PARD3B: variants seen among roughly 807,000 people sequenced by gnomAD.
PARD3B encodes the protein par-3 family cell polarity regulator beta.
Under a neutral mutation model 130.2 loss-of-function variants are expected in PARD3B, and 103 were observed. That is an observed-to-expected ratio of 0.79 (90% CI 0.67 to 0.93). PARD3B has a LOEUF of 0.93. PARD3B is among the 40% of genes least tolerant of loss of function. The probability of loss-of-function intolerance (pLI) is 0.00; values close to 1 mark genes in which losing one functional copy is unlikely to be tolerated. For missense variants in PARD3B, 1,609 were observed against 1,499.2 expected (o/e 1.07, Z -1.21); for synonymous variants, 583 against 553.2 (o/e 1.05, Z -0.76).
chr2:204,601,022 A>C (rs2033487363), intron 1 of PARD3B, among the ~76,000 whole-genome samples: 1 of 151,770 alleles, frequency 6.6e-6, no homozygotes, highest in Non-Finnish European at 1.5e-5. Context: ...AATTTCTTTC[A>C]GGGACTGATC....
intron 2 of PARD3B, among the ~76,000 whole-genome samples, chr2:204,708,800 C>A (rs2038302847): frequency 6.6e-6 from 1 of 151,934 alleles, no homozygotes; most frequent in African/African-American, 2.4e-5. Flanking sequence ...AAAGTCTTTT[C>A]CTGGTGGCAT....
At chr2:204,781,811 A>G (rs2041841825) in intron 2 of PARD3B, among the ~76,000 whole-genome samples, 1 of 152,094 alleles carries the variant, frequency 6.6e-6, no homozygotes, top group African/African-American at 2.4e-5. Flanking sequence ...ATCTTAATAT[A>G]TATATTTTTA....
intron 18 of PARD3B, among the ~76,000 whole-genome samples, chr2:205,338,472 C>T (rs1323081322): frequency 6.6e-6 from 1 of 152,086 alleles, no homozygotes; most frequent in East Asian, 1.9e-4. Context: ...CTAGTTCTGG[C>T]AATAGCAGTA....
Position 205,525,421 on chromosome 2 carries a change from A to G in PARD3B, c.3180+25390A>G, listed in dbSNP as rs1026234092. On this transcript the variant is annotated intron_variant, in intron 21 of 22. Transcript: ENST00000406610. The surrounding 1 kb of genome is among the most constrained non-coding windows in gnomAD (Gnocchi z 4.2). ...GTTTTTGTTTTTACATTGAAGATGTAAAAAATAATTACAATATAATGCTGG... is the reference window on the plus strand; with the variant it reads ...GTTTTTGTTTTTACATTGAAGATGTGAAAAATAATTACAATATAATGCTGG... Among the ~76,000 whole-genome samples the G allele has an allele frequency of 1.3e-5, 2 of 152,220 alleles. No homozygotes were observed. The highest frequency in any genetic ancestry group is 1.3e-4 in the Admixed American group (2 of 15,278).
Position 205,296,185 on chromosome 2 carries a change from A to G in PARD3B, c.2186-4345A>G, listed in dbSNP as rs115896477. Among the ~76,000 whole-genome samples, 1,282 of 152,338 alleles carry G rather than the reference A, an allele frequency of 8.4e-3. 16 individuals are homozygous for G. The highest frequency in any genetic ancestry group is 0.011 in the Non-Finnish European group (779 of 68,030). On this transcript the variant is annotated intron_variant, in intron 16 of 22. Coordinates refer to ENST00000406610, the MANE Select transcript of PARD3B (RefSeq NM_001302769.2). Reference sequence around the variant, plus strand: ...CTTCTATGCTTTTCTTATCCTCAATATGATAGCTGAGGGAACTGAGGCACA... The same window carrying G: ...CTTCTATGCTTTTCTTATCCTCAATGTGATAGCTGAGGGAACTGAGGCACA...
chr2:205,127,244 C>T (rs1485757206), intron 10 of PARD3B, among the ~76,000 whole-genome samples: 1 of 147,692 alleles, frequency 6.8e-6, no homozygotes, highest in Non-Finnish European at 1.5e-5. Flanking sequence ...TTGCAGTGAG[C>T]CAAGATTGCA....
At chr2:204,687,990 A>T (rs2037169386) in intron 2 of PARD3B, among the ~76,000 whole-genome samples, 1 of 152,156 alleles carries the variant, frequency 6.6e-6, no homozygotes, top group Non-Finnish European at 1.5e-5. Context: ...ATTCTTTTAA[A>T]CTATCTCAGC....
Position 205,274,097 on chromosome 2 carries a change from A to G in PARD3B, c.2186-26433A>G, listed in dbSNP as rs1228766543. Among the ~76,000 whole-genome samples, 2 of 152,288 alleles carry G rather than the reference A, an allele frequency of 1.3e-5. No individual in the cohort carries two copies. The highest frequency in any genetic ancestry group is 2.9e-5 in the Non-Finnish European group (2 of 68,016). On this transcript the variant is annotated intron_variant, in intron 16 of 22. Transcript: ENST00000406610. The surrounding 1 kb of genome is among the most constrained non-coding windows in gnomAD (Gnocchi z 4.2). ...AGCTCATCTAGATCTGGACAAATAT[A>G]GTTTTTTTAAAAAAAGTCTATTTTA...
rs549772777 is a variant in PARD3B, at chr2:204,553,777, T to C, written c.120+7658T>C. 2.7e-5 allele frequency among the ~76,000 whole-genome samples: 4 copies of C among 147,670 alleles called. No homozygotes were observed. In the South Asian group the frequency reaches 6.5e-4, roughly 24 times the overall value. On this transcript the variant is annotated intron_variant, in intron 1 of 22. Transcript: ENST00000406610. ...GGCATTTGCAGCAACCTGGATGAGA[T>C]TGGAGACTATTACGGCAAGTGAAGT...
rs60378508 is a variant in PARD3B, at chr2:204,553,679, T to C, written c.120+7560T>C. Among the ~76,000 whole-genome samples the C allele has an allele frequency of 8.2e-3, 770 of 94,240 alleles. 16 individuals carry two copies. Among genetic ancestry groups the C allele is most frequent in the African/African-American group, 0.033 (750 of 22,638 alleles). The allele number at this position is 94,240 out of a possible 152,430, so 61.8% of individuals were successfully genotyped here. ...ATATATATATATATATATATATATA[T>C]ATATATATATATATATACACACATA... On this transcript the variant is annotated intron_variant, in intron 1 of 22. Transcript: ENST00000406610.
chr2:205,332,043 T>G (rs776402709), intron 18 of PARD3B, among the ~76,000 whole-genome samples: 2 of 151,872 alleles, frequency 1.3e-5, no homozygotes, highest in Non-Finnish European at 2.9e-5. Context: ...AGGTGGAAGT[T>G]ACAGTGAGCC....
intron 2 of PARD3B, among the ~76,000 whole-genome samples, chr2:204,761,255 T>G (rs188221376): frequency 2.0e-5 from 3 of 152,322 alleles, no homozygotes; most frequent in Admixed American, 2.0e-4. Flanking sequence ...TTCATCATCT[T>G]CTCAAACCTT....
chr2:205,035,400 A>G (rs1225742950), intron 3 of PARD3B, among the ~76,000 whole-genome samples: 1 of 152,128 alleles, frequency 6.6e-6, no homozygotes, highest in Non-Finnish European at 1.5e-5. Flanking sequence ...TATATTCTAT[A>G]TAAGAGAGAA....
At chr2:205,323,173 T>G (rs976178653) in intron 18 of PARD3B, among the ~76,000 whole-genome samples, 5 of 151,890 alleles carry the variant, frequency 3.3e-5, no homozygotes, top group African/African-American at 1.2e-4. Flanking sequence ...CCTCCCAAAG[T>G]GCTGGGATTA....
chr2:205,330,030 T>TAAATAAATAAATAAATA (rs1277991577), intron 18 of PARD3B, among the ~76,000 whole-genome samples: 1 of 3,472 alleles, frequency 2.9e-4, no homozygotes, highest in South Asian at 0.016. Context: ...AATAAATAAA[T>TAAATAAATAAATAAATA]AAATAAAATA....
intron 22 of PARD3B, among the ~76,000 whole-genome samples, chr2:205,594,064 C>T (rs1230835307): frequency 6.6e-6 from 1 of 152,158 alleles, no homozygotes; most frequent in East Asian, 1.9e-4. Flanking sequence ...AGGGCAGCAA[C>T]GTGAGCTGAG....
In PARD3B at chr2:205,194,215, C is replaced by T. The variant is rs150446959; in HGVS notation, c.2140+895C>T. ...CGAGAAAATAGAATAATCAAAAGTG[C>T]GTGCTCCACCAAACGATCTGATAAA... is the stretch of plus-strand genomic sequence containing the variant. On this transcript the variant is annotated intron_variant, in intron 15 of 22. Coordinates refer to ENST00000406610, the MANE Select transcript of PARD3B (RefSeq NM_001302769.2). Among the ~76,000 whole-genome samples the T allele has an allele frequency of 2.8e-3, 427 of 152,244 alleles. 2 individuals carry two copies. Among genetic ancestry groups the T allele is most frequent in the African/African-American group, 9.6e-3 (400 of 41,542 alleles).
chr2:205,074,275 G>A (rs962486667), intron 4 of PARD3B, among the ~76,000 whole-genome samples: 10 of 152,090 alleles, frequency 6.6e-5, no homozygotes, highest in Non-Finnish European at 1.3e-4. Flanking sequence ...CTTTTGAAAA[G>A]ACTATTGTCT....
rs554513409 is a variant in PARD3B at position 204,699,963 on chromosome 2, A to G, written c.222+13681A>G. Among the ~76,000 whole-genome samples the G allele has an allele frequency of 3.9e-5, 6 of 152,268 alleles. No homozygotes were observed. In the South Asian group the frequency reaches 6.2e-4, roughly 16 times the overall value. Reference sequence around the variant, plus strand: ...ACCTTAGTATTTTTTATATGTATATACACTAACAGAAAATGTATCAAGTTG... The same window carrying G: ...ACCTTAGTATTTTTTATATGTATATGCACTAACAGAAAATGTATCAAGTTG... On this transcript the variant is annotated intron_variant, in intron 2 of 22. Transcript: ENST00000406610.
Sources: gnomAD v4.1 joint callset for allele counts (sites outside exome capture counted in the v4.1 genomes callset) on GRCh38, gnomAD v4.1.1 for gene constraint, Gnocchi (gnomAD v3.1) non-coding constraint, MANE v1.5 for transcripts, NCBI Gene and HGNC (gene_info 2026-07-23, HGNC 2026-07-21) for gene names.